Variants in C1orf141 observed in about 807,000 individuals in gnomAD.
The protein encoded by C1orf141 is chromosome 1 open reading frame 141, also known as uncharacterized protein C1orf141.
A neutral mutation model predicts 23.2 loss-of-function variants in C1orf141; 19 were observed. That is an observed-to-expected ratio of 0.82 (90% confidence interval 0.57 to 1.20). The LOEUF is 1.20. Ranked by LOEUF, C1orf141 falls within the 50% of genes most tolerant of loss-of-function variation. C1orf141 has a pLI of 0.00. For missense variants in C1orf141, 469 were observed against 455.1 expected (o/e 1.03, Z -0.28); for synonymous variants, 153 against 154.6 (o/e 0.99, Z 0.08).
intron 4 of C1orf141, chr1:67,123,510 G>A (rs953543921): frequency 6.6e-6 from 1 of 151,956 alleles, no homozygotes; most frequent in Non-Finnish European, 1.5e-5. Flanking sequence ...TTTGGCTGAG[G>A]TATAACTAAA....
intron 2 of C1orf141, among the ~76,000 whole-genome samples, chr1:67,127,854 C>G (rs543401946): frequency 6.6e-6 from 1 of 152,214 alleles, no homozygotes; most frequent in East Asian, 1.9e-4. Context: ...AGGCTGGTCT[C>G]AAACTCCTGA....
intron 5 of C1orf141, among the ~76,000 whole-genome samples, chr1:67,112,314 A>AT (rs1197831729): frequency 6.6e-6 from 1 of 152,208 alleles, no homozygotes; most frequent in African/African-American, 2.4e-5. Flanking sequence ...TTGTTGATCA[A>AT]CTATATGCCA....
intron 5 of C1orf141, among the ~76,000 whole-genome samples, chr1:67,108,350 A>G (rs974969797): frequency 1.3e-5 from 2 of 152,106 alleles, no homozygotes; most frequent in African/African-American, 2.4e-5. Context: ...TCTCTTTTAT[A>G]AGGTCACTAA....
In C1orf141 at chr1:67,134,961, CG is replaced by C. The variant is rs907961012; in HGVS notation, c.-136del. The C allele has an allele frequency of 2.6e-5, 4 of 152,462 alleles. No individual in the cohort carries two copies. The highest frequency in any genetic ancestry group is 4.4e-5 in the Non-Finnish European group (3 of 68,126). The allele number at this position is 152,462 out of a possible 1,614,324, so 9.4% of individuals were successfully genotyped here. On this transcript the variant is annotated 5_prime_UTR_variant, in exon 1 of 8. Transcript: ENST00000684719. Reference sequence around the variant, plus strand: ...TCCTTTCCTCCCTCTTCTGGCTCCGCGGGTTACTCGCCCCGCCCCCACCCTT... The same window carrying C: ...TCCTTTCCTCCCTCTTCTGGCTCCGCGGTTACTCGCCCCGCCCCCACCCTT...
intron 4 of C1orf141, among the ~76,000 whole-genome samples, 162 bp from the exon 5 acceptor site, chr1:67,115,626 G>A (rs1646178690): frequency 6.6e-6 from 1 of 152,194 alleles, no homozygotes; most frequent in Non-Finnish European, 1.5e-5. Context: ...TGATTAAATA[G>A]GAGCTGAAAA....
At chr1:67,112,403 CA>C (rs1257071583) in intron 5 of C1orf141, among the ~76,000 whole-genome samples, 1 of 151,882 alleles carries the variant, frequency 6.6e-6, no homozygotes, top group Non-Finnish European at 1.5e-5. Context: ...AATAAACAAA[CA>C]AAAAAACAAG....
At chr1:67,102,058 T>C (rs1249375982) in intron 5 of C1orf141, among the ~76,000 whole-genome samples, 1 of 152,140 alleles carries the variant, frequency 6.6e-6, no homozygotes, top group African/African-American at 2.4e-5. Flanking sequence ...CCTGGCTCAA[T>C]AGAGTAAATC....
chr1:67,132,017 T>C (rs1646524807), intron 1 of C1orf141, among the ~76,000 whole-genome samples: 2 of 151,696 alleles, frequency 1.3e-5, no homozygotes, highest in South Asian at 4.2e-4. Context: ...ACTCCTGACC[T>C]TGTGATCCGC....
Position 67,113,869 on chromosome 1 carries a change from A to G in C1orf141, c.346+1483T>C, listed in dbSNP as rs986682521. ...AACACCTTAAAAGGCTAGATTGAAT[A>G]TTTTTTAAAGTCTAAAGAGAATCAT... On this transcript the variant is annotated intron_variant, in intron 5 of 7. Coordinates refer to ENST00000684719, the MANE Select transcript of C1orf141 (RefSeq NM_001276351.2). 4 of 398,222 alleles carry G rather than the reference A, an allele frequency of 1.0e-5. No homozygotes were observed. In the Admixed American group the frequency reaches 1.3e-4, roughly 13 times the overall value. The allele number at this position is 398,222 out of a possible 1,614,324, so 24.7% of individuals were successfully genotyped here. A position where few individuals can be genotyped will look rare whatever the true frequency, so the allele number is the denominator to read the frequency against.
chr1:67,115,050 A>G (rs1646166231), intron 5 of C1orf141, among the ~76,000 whole-genome samples: 1 of 152,246 alleles, frequency 6.6e-6, no homozygotes, highest in Non-Finnish European at 1.5e-5. Flanking sequence ...CTTCTAAAAA[A>G]CAATAACAAG....
intron 5 of C1orf141, among the ~76,000 whole-genome samples, chr1:67,114,280 C>T (rs898139118): frequency 1.2e-5 from 1 of 86,484 alleles, no homozygotes; most frequent in Non-Finnish European, 2.3e-5. Context: ...ATATACCTGG[C>T]ATAAACAATA....
intron 5 of C1orf141, among the ~76,000 whole-genome samples, chr1:67,104,337 C>T (rs776350150): frequency 4.0e-5 from 6 of 151,842 alleles, no homozygotes; most frequent in Non-Finnish European, 7.4e-5. Context: ...ATAAGACAGG[C>T]AGAAAAATAG....
At chr1:67,114,417 C>T (rs1032265962) in intron 5 of C1orf141, among the ~76,000 whole-genome samples, 2 of 152,004 alleles carry the variant, frequency 1.3e-5, no homozygotes, top group African/African-American at 4.8e-5. Context: ...GGAAATATGA[C>T]ATTATGAAAG....
At chr1:67,098,185 G>T (rs1558185332) in intron 5 of C1orf141, among the ~76,000 whole-genome samples, 1 of 152,194 alleles carries the variant, frequency 6.6e-6, no homozygotes, top group East Asian at 1.9e-4. Flanking sequence ...CATATAGTGA[G>T]TGGTGAATAA....
intron 5 of C1orf141, among the ~76,000 whole-genome samples, chr1:67,101,393 A>G (rs1016838628): frequency 2.6e-5 from 4 of 151,264 alleles, no homozygotes; most frequent in African/African-American, 9.7e-5. Flanking sequence ...ACAATTTTGC[A>G]TCTTTCTCTG....
chr1:67,118,203 G>C (rs1427261030), intron 4 of C1orf141, among the ~76,000 whole-genome samples: 2 of 152,138 alleles, frequency 1.3e-5, no homozygotes. Context: ...TGAGTAAAAA[G>C]GAGCAATACA....
In C1orf141 at chr1:67,095,325, G is replaced by C; in HGVS notation, c.513C>G (p.Ser171Arg). Residue 171 changes from serine to arginine, a missense_variant, in exon 7 of 8, where the codon AGC becomes AGG. Ser to Arg is a moderately radical substitution (Grantham distance 110). Around this residue, in one of 3 missense-constraint regions of C1orf141, gnomAD observed 370 missense variants for 348.1 expected, o/e 1.06. Coordinates refer to ENST00000684719, the MANE Select transcript of C1orf141 (RefSeq NM_001276351.2). Reference protein sequence around the residue: ...LSKYRSVRKKSLLPLCFEDEL... With the variant: ...LSKYRSVRKKRLLPLCFEDEL... ...CATCCTCAAAGCACAACGGGAGCAA[G>C]CTTTTCTTTCTTACTGACCTATACT... 6.2e-7 allele frequency: 1 copy of C among 1,602,438 alleles called. No individual in the cohort carries two copies. Among genetic ancestry groups the C allele is most frequent in the Non-Finnish European group, 8.5e-7 (1 of 1,170,566 alleles).
At chr1:67,119,002 T>C (rs1412114112) in intron 4 of C1orf141, among the ~76,000 whole-genome samples, 1 of 152,206 alleles carries the variant, frequency 6.6e-6, no homozygotes, top group African/African-American at 2.4e-5. Context: ...AGTGGGGTGC[T>C]GCTGTAACAA....
chr1:67,108,816 T>C (rs529187615), intron 5 of C1orf141, among the ~76,000 whole-genome samples: 33 of 152,224 alleles, frequency 2.2e-4, no homozygotes, highest in African/African-American at 7.9e-4. Flanking sequence ...AAATAAGATA[T>C]ACAAATGAAA....
Sources: allele counts gnomAD v4.1 joint callset (sites outside exome capture counted in the v4.1 genomes callset), GRCh38; gene constraint gnomAD v4.1.1; regional missense constraint gnomAD v4.1.1; transcripts MANE v1.5; gene names NCBI Gene and HGNC (gene_info 2026-07-23, HGNC 2026-07-21).